The following MEIS2 variants were observed in gnomAD, a reference collection of about 807,000 sequenced individuals.
MEIS2 encodes the protein Meis homeobox 2, also known as homeobox protein Meis2.
Under a neutral mutation model 58.6 loss-of-function variants are expected in MEIS2, and 9 were observed. The ratio of observed to expected loss-of-function variants is 0.15; its 90% CI spans 0.09 to 0.27. MEIS2 has a LOEUF of 0.27. Among genes scored for constraint, MEIS2 ranks in the 10% least tolerant of loss-of-function variants. The probability of loss-of-function intolerance (pLI) is 1.00; values close to 1 mark genes in which losing one functional copy is unlikely to be tolerated. For missense variants in MEIS2, 427 were observed against 635.0 expected, an observed-to-expected ratio of 0.67 and a Z score of 3.52; for synonymous variants, 221 against 228.4, an observed-to-expected ratio of 0.97 and a Z score of 0.29.
chr15:36,928,456 C>T (rs1210440965), intron 9 of MEIS2, among the ~76,000 whole-genome samples: 2 of 152,236 alleles, frequency 1.3e-5, no homozygotes, highest in Middle Eastern at 3.4e-3. Flanking sequence ...AGGTCCAAAC[C>T]GATAGTTAAT....
In MEIS2 at chr15:36,970,261, A is replaced by G. The variant is rs547365918; in HGVS notation, c.901-19861T>C. Among the ~76,000 whole-genome samples the G allele has an allele frequency of 7.2e-4, 110 of 152,060 alleles. No individual in the cohort carries two copies. The South Asian group carries it at 9.8e-3, about 14-fold the overall frequency. ...TACTAAAAATACAAAAAAATTAGCC[A>G]GGCGTGGTGGCGGGCGCCTGTAGTC... is the stretch of plus-strand genomic sequence containing the variant. On this transcript the variant is annotated intron_variant, in intron 8 of 11. Coordinates refer to ENST00000561208, the MANE Select transcript of MEIS2 (RefSeq NM_170675.5).
intron 8 of MEIS2, among the ~76,000 whole-genome samples, chr15:36,957,513 C>T (rs1202095304): frequency 1.3e-5 from 2 of 152,186 alleles, no homozygotes; most frequent in Non-Finnish European, 2.9e-5. Flanking sequence ...ACTAATCCAT[C>T]ATAGTTCATT....
intron 9 of MEIS2, among the ~76,000 whole-genome samples, chr15:36,928,459 T>C (rs2057836911): frequency 6.6e-6 from 1 of 152,178 alleles, no homozygotes; most frequent in Non-Finnish European, 1.5e-5. Context: ...TCCAAACCGA[T>C]AGTTAATAGT....
At chr15:37,079,430 CAG>C (rs1008468278) in intron 7 of MEIS2, among the ~76,000 whole-genome samples, 1 of 152,054 alleles carries the variant, frequency 6.6e-6, no homozygotes, top group Non-Finnish European at 1.5e-5. Context: ...ATTCCATTGA[CAG>C]AGTTTTCCTA....
rs570390046 is a variant in MEIS2 at position 37,032,006 on chromosome 15, A to C, written c.900+4808T>G. Among the ~76,000 whole-genome samples the C allele has an allele frequency of 2.6e-5, 4 of 152,098 alleles. No homozygotes were observed. In the South Asian group the frequency reaches 8.3e-4, roughly 32 times the overall value. On this transcript the variant is annotated intron_variant, in intron 8 of 11. Coordinates refer to ENST00000561208, the MANE Select transcript of MEIS2 (RefSeq NM_170675.5). ...GGCATGTGTGCACCACACCCGGCTA[A>C]ATTTTTATTCTTTTGTAGAGATGGG... is the stretch of plus-strand genomic sequence containing the variant.
intron 9 of MEIS2, among the ~76,000 whole-genome samples, chr15:36,914,139 G>A (rs60540644): frequency 0.065 from 9,912 of 152,212 alleles, 529 homozygotes; most frequent in African/African-American, 0.14. Flanking sequence ...GTTGGTCTCT[G>A]AGCAGCACTA....
At chr15:36,991,264 T>A (rs2060263660) in intron 8 of MEIS2, among the ~76,000 whole-genome samples, 1 of 152,166 alleles carries the variant, frequency 6.6e-6, no homozygotes, top group African/African-American at 2.4e-5. Flanking sequence ...TCTTTTTTTT[T>A]TTTGTGCAAA....
intron 9 of MEIS2, chr15:36,904,158 T>A (rs1057341661): frequency 6.6e-6 from 1 of 152,160 alleles, no homozygotes; most frequent in African/African-American, 2.4e-5. Flanking sequence ...TCTATTTTAC[T>A]TTCTTTCCTA....
chr15:37,086,521 C>A (rs899673125), intron 6 of MEIS2, among the ~76,000 whole-genome samples: 1 of 152,198 alleles, frequency 6.6e-6, no homozygotes, highest in African/African-American at 2.4e-5. Context: ...TCTGCCCATT[C>A]CCAAAATATG....
At chr15:36,909,533 T>A (rs1322765068) in intron 9 of MEIS2, among the ~76,000 whole-genome samples, 2 of 152,172 alleles carry the variant, frequency 1.3e-5, no homozygotes, top group South Asian at 2.1e-4. Flanking sequence ...TGAAATGATT[T>A]GCCCTGGAGC....
At chr15:37,010,309 G>T (rs540893147) in intron 8 of MEIS2, among the ~76,000 whole-genome samples, 1 of 151,926 alleles carries the variant, frequency 6.6e-6, no homozygotes, top group Non-Finnish European at 1.5e-5. Flanking sequence ...GGATGGTCTG[G>T]ATCTCCTGAC....
intron 8 of MEIS2, among the ~76,000 whole-genome samples, chr15:37,031,467 T>G (rs2061921896): frequency 7.8e-6 from 1 of 128,230 alleles, no homozygotes; most frequent in African/African-American, 2.9e-5. Flanking sequence ...ATAACAAATT[T>G]AAGATGACTA....
Position 37,063,311 on chromosome 15 carries a change from G to A in MEIS2, c.754+20460C>T, listed in dbSNP as rs553880068. On this transcript the variant is annotated intron_variant, in intron 7 of 11. Coordinates refer to ENST00000561208, the MANE Select transcript of MEIS2 (RefSeq NM_170675.5). ...CTCCCAAATAGATGGGATTACTGGC[G>A]TGCACTACTGTGCAGGACTGCTAGG... 3.9e-5 allele frequency among the ~76,000 whole-genome samples: 6 copies of A among 152,250 alleles called. No homozygotes were observed. The South Asian group carries it at 6.2e-4, about 16-fold the overall frequency.
chr15:37,002,265 C>T (rs1208872142), intron 8 of MEIS2, among the ~76,000 whole-genome samples: 2 of 151,356 alleles, frequency 1.3e-5, no homozygotes, highest in Non-Finnish European at 2.9e-5. Context: ...CCCACCCCCA[C>T]CCCATCACCT....
intron 9 of MEIS2, among the ~76,000 whole-genome samples, chr15:36,908,828 A>G (rs1267991224): frequency 6.6e-6 from 1 of 151,980 alleles, no homozygotes; most frequent in Non-Finnish European, 1.5e-5. Context: ...AATCCCAGCT[A>G]CTCGGGAGGC....
chr15:37,032,916 C>T (rs963363265), intron 8 of MEIS2, among the ~76,000 whole-genome samples: 8 of 152,062 alleles, frequency 5.3e-5, no homozygotes, highest in African/African-American at 1.9e-4. Flanking sequence ...TTTTTAAATG[C>T]CACTTTGGAC....
chr15:36,936,221 G>T (rs2058166805), intron 9 of MEIS2, among the ~76,000 whole-genome samples: 1 of 149,042 alleles, frequency 6.7e-6, no homozygotes, highest in Non-Finnish European at 1.5e-5. Context: ...TTGAGATAGA[G>T]AATTGCTCTG....
At chr15:36,961,050 T>C (rs1186679095) in intron 8 of MEIS2, among the ~76,000 whole-genome samples, 3 of 152,196 alleles carry the variant, frequency 2.0e-5, no homozygotes, top group East Asian at 3.9e-4. Context: ...GCCTCTGCAG[T>C]GAAAGTTAAA....
intron 2 of MEIS2, among the ~76,000 whole-genome samples, chr15:37,097,582 C>T (rs1894438122): frequency 6.6e-6 from 1 of 152,174 alleles, no homozygotes; most frequent in Non-Finnish European, 1.5e-5. Flanking sequence ...TAAAAAAACC[C>T]AAAGTTGCTT....
Sources: allele counts gnomAD v4.1 joint callset (sites outside exome capture counted in the v4.1 genomes callset), GRCh38; gene constraint gnomAD v4.1.1; transcripts MANE v1.5; gene names NCBI Gene and HGNC (gene_info 2026-07-23, HGNC 2026-07-21).